The following ENTPD6 variants were observed in gnomAD, a reference collection of about 807,000 sequenced individuals.
The protein encoded by ENTPD6 is ectonucleoside triphosphate diphosphohydrolase 6, also known as CD39 antigen-like 2.
ENTPD6 carries 46 observed loss-of-function variants against 61.5 expected under a neutral mutation model. The ratio of observed to expected loss-of-function variants is 0.75; its 90% CI spans 0.59 to 0.96. The LOEUF is 0.96. ENTPD6 is among the 40% of genes least tolerant of loss of function. ENTPD6 has a pLI of 0.00. For synonymous variants in ENTPD6, 252 were observed against 255.5 expected, an observed-to-expected ratio of 0.99 and a Z score of 0.13; for missense variants, 612 against 629.0, an observed-to-expected ratio of 0.97 and a Z score of 0.29.
rs369102059 is a variant in ENTPD6, at chr20:25,215,718, G to T, written c.709+7G>T. On this transcript the variant is annotated splice_region_variant and intron_variant, in intron 7 of 14. Transcript: ENST00000376652. ...ACCATCAACTTCCTGACAGGTGTGT[G>T]CACACTGCATCACAGAGGCTAGCCG... 13 of 1,613,986 alleles carry T rather than the reference G, an allele frequency of 8.1e-6. No individual in the cohort carries two copies. Among genetic ancestry groups the T allele is most frequent in the Non-Finnish European group, 1.1e-5 (13 of 1,179,954 alleles).
Position 25,222,837 on chromosome 20 carries a change from G to C in ENTPD6, c.1046-1G>C, listed in dbSNP as rs2092683637. 2 of 1,613,594 alleles carry C rather than the reference G, an allele frequency of 1.2e-6. No homozygotes were observed. Among genetic ancestry groups the C allele is most frequent in the African/African-American group, 2.7e-5 (2 of 74,918 alleles). On this transcript the variant is annotated splice_acceptor_variant, in intron 11 of 14. Transcript: ENST00000376652. LOFTEE classifies it high-confidence loss of function. ...ACCGCTAGCCTTGTGCTTGTCCCCA[G>C]CGGCAAGCCTGCACGAGCTGTGTGC...
chr20:25,227,418 C>T lies in ENTPD6; in HGVS notation c.*1821C>T, dbSNP rs1163311175. On this transcript the variant is annotated 3_prime_UTR_variant, in exon 15 of 15. Transcript: ENST00000376652. ...GGTCCATTTAAAGAAGGTCGGTGAC[C>T]TCATGCCTGAAAAAGGCAAACAACT... Among the ~76,000 whole-genome samples, 2 of 152,168 alleles carry T rather than the reference C, an allele frequency of 1.3e-5. No individual in the cohort carries two copies. Among genetic ancestry groups the T allele is most frequent in the African/African-American group, 4.8e-5 (2 of 41,430 alleles).
At chr20:25,213,478 C>A in intron 5 of ENTPD6, 72 bp downstream of exon 5, 1 of 1,477,630 alleles carries the variant, frequency 6.8e-7, no homozygotes, top group South Asian at 1.3e-5. Flanking sequence ...CAACTGCTGT[C>A]TCACCAGTGC....
At position 25,217,591 on chromosome 20, in the gene ENTPD6, C is replaced by T. The variant is rs776220406; in HGVS notation, c.878+10C>T. On this transcript the variant is annotated intron_variant, in intron 9 of 14. Coordinates refer to ENST00000376652, the MANE Select transcript of ENTPD6 (RefSeq NM_001247.5). ...AGCTCTATTCCTACAGGTCTGCTTT[C>T]GGGAACAGGCGTGGGGAGGCGCCAT... 47 of 1,613,440 alleles carry T rather than the reference C, an allele frequency of 2.9e-5. No homozygotes were observed. The highest frequency in any genetic ancestry group is 1.4e-4 in the South Asian group (13 of 91,060).
chr20:25,200,535 A>G (rs1330274597), intron 1 of ENTPD6, among the ~76,000 whole-genome samples: 1 of 152,102 alleles, frequency 6.6e-6, no homozygotes, highest in Non-Finnish European at 1.5e-5. Context: ...TTTTGTGTTC[A>G]AGAATTTGTC....
In ENTPD6 at chr20:25,195,771, C is replaced by G. The variant is rs572904092; in HGVS notation, c.-112C>G. ...ATCCCGCGGGTGGAGGCCGGGGTGG[C>G]GCCGGCCGGGGCGGGGGAGCCCAAA... On this transcript the variant is annotated 5_prime_UTR_variant, in exon 1 of 15. Coordinates refer to ENST00000376652, the MANE Select transcript of ENTPD6 (RefSeq NM_001247.5). 16 of 1,082,506 alleles carry G rather than the reference C, an allele frequency of 1.5e-5. No individual in the cohort carries two copies. The highest frequency in any genetic ancestry group is 1.3e-4 in the African/African-American group (8 of 61,362). The allele number at this position is 1,082,506 out of a possible 1,614,324, so 67.1% of individuals were successfully genotyped here.
chr20:25,223,018 G>T, intron 12 of ENTPD6, 40 bp downstream of exon 12: 1 of 1,563,850 alleles, frequency 6.4e-7, no homozygotes. Context: ...AGGTCGGGGC[G>T]GCAGGGGGCG....
At chr20:25,224,029 G>C in intron 12 of ENTPD6, 72 bp from the exon 13 acceptor site, 1 of 1,458,234 alleles carries the variant, frequency 6.9e-7, no homozygotes, top group Non-Finnish European at 9.5e-7. Flanking sequence ...CGTTCCCCGT[G>C]CCAGCCTCAC....
chr20:25,221,368 G>A, intron 11 of ENTPD6, 35 bp downstream of exon 11: 1 of 1,515,338 alleles, frequency 6.6e-7, no homozygotes, highest in Non-Finnish European at 9.2e-7. Flanking sequence ...GGTTTCTGCG[G>A]GTGAGAGTGG....
chr20:25,198,899 C>T (rs2122405732), intron 1 of ENTPD6, among the ~76,000 whole-genome samples: 1 of 152,358 alleles, frequency 6.6e-6, no homozygotes, highest in African/African-American at 2.4e-5. Flanking sequence ...GCATATCAAA[C>T]TCAGCATGTC....
In ENTPD6 at chr20:25,224,027, G is replaced by A. The variant is rs551199608; in HGVS notation, c.1187-74G>A. 283 of 1,433,220 alleles carry A rather than the reference G, an allele frequency of 2.0e-4. No homozygotes were observed. In the African/African-American group the frequency reaches 3.5e-3, roughly 18 times the overall value. 88.8% of individuals were successfully genotyped at this position (1,433,220 alleles called of 1,614,324 possible). A position where few individuals can be genotyped will look rare whatever the true frequency, so the allele number is the denominator to read the frequency against. The stretch of plus-strand genomic sequence containing the variant: ...TGGGGCTCTTGGGCTGGCGTTCCCC[G>A]TGCCAGCCTCACGTCTCAGTGGCAT... On this transcript the variant is annotated intron_variant, in intron 12 of 14. Coordinates refer to ENST00000376652, the MANE Select transcript of ENTPD6 (RefSeq NM_001247.5).
intron 5 of ENTPD6, 71 bp downstream of exon 5, chr20:25,213,477 T>C: frequency 6.7e-7 from 1 of 1,487,512 alleles, no homozygotes; most frequent in Non-Finnish European, 9.1e-7. Context: ...ACAACTGCTG[T>C]CTCACCAGTG....
chr20:25,197,327 C>G, intron 1 of ENTPD6: 3 of 835,108 alleles, frequency 3.6e-6, no homozygotes, highest in Non-Finnish European at 4.3e-6. Context: ...TGACTCCTGC[C>G]TCCACCTGCT....
In ENTPD6 at chr20:25,220,702, G is replaced by T. The variant is rs149100542; in HGVS notation, c.944-530G>T. On this transcript the variant is annotated intron_variant, in intron 10 of 14. Transcript: ENST00000376652. ...GAAAGCAGGTCCAGGCCAGAGTCCAGGGATGGGACCAGCACCTTTCGGTGG... is the reference window on the plus strand; with the variant it reads ...GAAAGCAGGTCCAGGCCAGAGTCCATGGATGGGACCAGCACCTTTCGGTGG... 2.6e-5 allele frequency among the ~76,000 whole-genome samples: 4 copies of T among 152,380 alleles called. No homozygotes were observed. In the South Asian group the frequency reaches 8.3e-4, roughly 32 times the overall value.
Position 25,225,726 on chromosome 20 carries a change from G to A in ENTPD6, c.*129G>A. 2 of 744,692 alleles carry A rather than the reference G, an allele frequency of 2.7e-6. No homozygotes were observed. The highest frequency in any genetic ancestry group is 1.8e-5 in the African/African-American group (1 of 56,810). The allele number at this position is 744,692 out of a possible 1,614,324, so 46.1% of individuals were successfully genotyped here. A position where few individuals can be genotyped will look rare whatever the true frequency, so the allele number is the denominator to read the frequency against. ...TGGCACTTTCTGCACACTGGCTCTG[G>A]GACTTGCAGAAGGCCTGGTGCTGCC... On this transcript the variant is annotated 3_prime_UTR_variant, in exon 15 of 15. Transcript: ENST00000376652.
Position 25,196,193 on chromosome 20 carries a change from A to C in ENTPD6, c.-16+326A>C, listed in dbSNP as rs1440669513. Reference sequence around the variant, plus strand: ...CCCGCCCCCAGTCTGCGTCAGGGACAGACCCCTCCGCCCTGGATGAGCCCG... The same window carrying C: ...CCCGCCCCCAGTCTGCGTCAGGGACCGACCCCTCCGCCCTGGATGAGCCCG... On this transcript the variant is annotated intron_variant, in intron 1 of 14. Coordinates refer to ENST00000376652, the MANE Select transcript of ENTPD6 (RefSeq NM_001247.5). The C allele has an allele frequency of 2.5e-6, 3 of 1,193,740 alleles. No individual in the cohort carries two copies. The African/African-American group carries it at 4.7e-5, about 19-fold the overall frequency. The allele number at this position is 1,193,740 out of a possible 1,614,324, so 73.9% of individuals were successfully genotyped here. A position where few individuals can be genotyped will look rare whatever the true frequency, so the allele number is the denominator to read the frequency against.
At chr20:25,198,379 G>A (rs1348805655) in intron 1 of ENTPD6, among the ~76,000 whole-genome samples, 1 of 152,126 alleles carries the variant, frequency 6.6e-6, no homozygotes, top group East Asian at 1.9e-4. Flanking sequence ...GGGAGGCTGA[G>A]GCAGGAGAAT....
rs773548439 is a variant in ENTPD6 at position 25,214,983 on chromosome 20, G to T, written c.673+41G>T. 6.6e-6 allele frequency: 9 copies of T among 1,356,810 alleles called. No homozygotes were observed. The South Asian group carries it at 1.1e-4, about 16-fold the overall frequency. The allele number at this position is 1,356,810 out of a possible 1,614,324, so 84.0% of individuals were successfully genotyped here. ...CACCTCTGTACAGTGGGGCTGTGCA[G>T]TGAGGTGGGTGGGAGCAATCCTGCT... On this transcript the variant is annotated intron_variant, in intron 6 of 14. Transcript: ENST00000376652.
At chr20:25,221,506 G>A (rs927457700) in intron 11 of ENTPD6, 173 bp downstream of exon 11, 5 of 689,504 alleles carry the variant, frequency 7.3e-6, no homozygotes, top group Admixed American at 6.2e-5. Flanking sequence ...GCCTGTGTCT[G>A]TGCTGAGAGC....
Sources: gnomAD v4.1 joint callset for allele counts (sites outside exome capture counted in the v4.1 genomes callset) on GRCh38, gnomAD v4.1.1 for gene constraint, MANE v1.5 for transcripts, NCBI Gene and HGNC (gene_info 2026-07-23, HGNC 2026-07-21) for gene names.